Variants in ANKS1B observed in about 807,000 individuals in gnomAD.
ANKS1B encodes the protein ankyrin repeat and sterile alpha motif domain containing 1B.
Under a neutral mutation model 148.3 loss-of-function variants are expected in ANKS1B, and 36 were observed. The ratio of observed to expected loss-of-function variants is 0.24; its 90% confidence interval spans 0.19 to 0.32. The LOEUF (loss-of-function observed/expected upper bound fraction) is 0.32, where lower values mean the gene tolerates loss of function less well. Among genes scored for constraint, ANKS1B ranks in the 10% least tolerant of loss-of-function variants. The pLI, the probability that ANKS1B is intolerant of heterozygous loss-of-function variation, is 1.00. For missense variants in ANKS1B, 1,157 were observed against 1,542.6 expected, an observed-to-expected ratio of 0.75 and a Z score of 4.19; for synonymous variants, 542 against 560.8, an observed-to-expected ratio of 0.97 and a Z score of 0.47.
At chr12:99,047,089 A>T (rs1360759286) in intron 17 of ANKS1B, among the ~76,000 whole-genome samples, 1 of 152,098 alleles carries the variant, frequency 6.6e-6, no homozygotes, top group African/African-American at 2.4e-5. Flanking sequence ...TGAGAGGAGA[A>T]ATAAGGTGAG....
intron 14 of ANKS1B, among the ~76,000 whole-genome samples, chr12:99,184,257 C>A (rs2079504847): frequency 6.6e-6 from 1 of 152,040 alleles, no homozygotes; most frequent in Non-Finnish European, 1.5e-5. Context: ...AAAAATATGT[C>A]AAGAGACTAT....
At chr12:99,865,979 A>G (rs1181819445) in intron 1 of ANKS1B, among the ~76,000 whole-genome samples, 1 of 152,180 alleles carries the variant, frequency 6.6e-6, no homozygotes, top group Non-Finnish European at 1.5e-5. Flanking sequence ...AAGCTATGCC[A>G]GTAAGACTCT....
At chr12:99,627,648 A>T (rs532375527) in intron 9 of ANKS1B, among the ~76,000 whole-genome samples, 1 of 152,334 alleles carries the variant, frequency 6.6e-6, no homozygotes, top group South Asian at 2.1e-4. Flanking sequence ...ACATAGCCTG[A>T]GGGCCTGCGG....
chr12:99,135,375 G>T (rs1263634459), intron 15 of ANKS1B, among the ~76,000 whole-genome samples: 1 of 151,900 alleles, frequency 6.6e-6, no homozygotes, highest in South Asian at 2.1e-4. Flanking sequence ...ATAATAGAAG[G>T]GAATTTCCCA....
chr12:99,874,022 C>CATATATATATATATATATATATATATAT (rs150860727), intron 1 of ANKS1B, among the ~76,000 whole-genome samples: 128 of 137,816 alleles, frequency 9.3e-4, no homozygotes, highest in African/African-American at 4.0e-3. Context: ...CTCTCTCTCA[C>CATATATATATATATATATATATATATAT]ATATATATAT....
intron 1 of ANKS1B, among the ~76,000 whole-genome samples, chr12:99,938,816 C>T (rs182866707): frequency 4.8e-4 from 73 of 152,274 alleles, no homozygotes; most frequent in Admixed American, 8.5e-4. Context: ...AAGGACCTTC[C>T]ATTTCCCGAC....
At position 98,744,018 on chromosome 12, in the gene ANKS1B, A is replaced by C. The variant is rs2097828711; in HGVS notation, c.*1721T>G. ...TATTTTTGTGTGCTTTTTTTATAGGATATAAATAATGACAAAAATTACAAA... is the reference window on the plus strand; with the variant it reads ...TATTTTTGTGTGCTTTTTTTATAGGCTATAAATAATGACAAAAATTACAAA... On this transcript the variant is annotated 3_prime_UTR_variant, in exon 27 of 27. Coordinates refer to ENST00000683438, the MANE Select transcript of ANKS1B (RefSeq NM_001352186.2). 2 of 983,838 alleles carry C rather than the reference A, an allele frequency of 2.0e-6. No homozygotes were observed. The highest frequency in any genetic ancestry group is 2.4e-6 in the Non-Finnish European group (2 of 828,490). The allele number at this position is 983,838 out of a possible 1,614,324, so 60.9% of individuals were successfully genotyped here. A position where few individuals can be genotyped will look rare whatever the true frequency, so the allele number is the denominator to read the frequency against.
chr12:99,242,922 C>A (rs1014093996), intron 14 of ANKS1B, among the ~76,000 whole-genome samples: 28 of 152,146 alleles, frequency 1.8e-4, no homozygotes, highest in Non-Finnish European at 3.5e-4. Context: ...TAATGTAAGA[C>A]CTAACACCAT....
chr12:99,305,345 T>C (rs2082200974), intron 12 of ANKS1B, among the ~76,000 whole-genome samples: 1 of 152,086 alleles, frequency 6.6e-6, no homozygotes, highest in Non-Finnish European at 1.5e-5. Context: ...TGATATCAAT[T>C]TAAATAAAAT....
chr12:99,585,244 CG>C (rs1191264199), intron 9 of ANKS1B, among the ~76,000 whole-genome samples: 11 of 152,048 alleles, frequency 7.2e-5, no homozygotes, highest in Admixed American at 7.2e-4. Flanking sequence ...GAAGGGACTA[CG>C]GGCCCCAGGC....
intron 9 of ANKS1B, among the ~76,000 whole-genome samples, chr12:99,517,432 A>G (rs1035839987): frequency 6.6e-6 from 1 of 151,862 alleles, no homozygotes; most frequent in African/African-American, 2.4e-5. Flanking sequence ...CAAATATAAG[A>G]TCATGCTAGG....
At chr12:99,561,258 C>A (rs957357610) in intron 9 of ANKS1B, among the ~76,000 whole-genome samples, 9 of 152,148 alleles carry the variant, frequency 5.9e-5, no homozygotes, top group Admixed American at 2.0e-4. Context: ...TTACCCAGAG[C>A]AGAACTTCTT....
At chr12:99,843,045 T>C (rs1035014056) in intron 1 of ANKS1B, among the ~76,000 whole-genome samples, 6 of 152,142 alleles carry the variant, frequency 3.9e-5, no homozygotes, top group African/African-American at 1.2e-4. Context: ...CTGTAGTTTC[T>C]TCAGTTTGTT....
chr12:98,888,655 T>A (rs2099745596), intron 17 of ANKS1B, among the ~76,000 whole-genome samples: 1 of 152,226 alleles, frequency 6.6e-6, no homozygotes, highest in Admixed American at 6.5e-5. Context: ...CATGAGCTGT[T>A]CCCCTAGCCT....
chr12:98,863,893 C>A (rs1300266081), intron 17 of ANKS1B, among the ~76,000 whole-genome samples: 2 of 152,148 alleles, frequency 1.3e-5, no homozygotes, highest in African/African-American at 4.8e-5. Context: ...AGACAAATAC[C>A]TTTTAATAGT....
intron 12 of ANKS1B, among the ~76,000 whole-genome samples, chr12:99,296,185 T>A (rs1478603095): frequency 6.6e-6 from 1 of 152,232 alleles, no homozygotes; most frequent in Non-Finnish European, 1.5e-5. Context: ...TTTGTTTCAT[T>A]GATCTATTTA....
At chr12:99,617,106 CAGTT>C (rs765387906) in intron 9 of ANKS1B, among the ~76,000 whole-genome samples, 9 of 152,122 alleles carry the variant, frequency 5.9e-5, no homozygotes, top group African/African-American at 9.7e-5. Context: ...CACCTCATGA[CAGTT>C]AGAATGGCAA....
intron 8 of ANKS1B, among the ~76,000 whole-genome samples, chr12:99,664,161 T>A (rs1345158702): frequency 6.6e-6 from 1 of 152,034 alleles, no homozygotes; most frequent in Middle Eastern, 3.2e-3. Context: ...AAACTTTTTT[T>A]TTTTCAACAA....
intron 8 of ANKS1B, among the ~76,000 whole-genome samples, chr12:99,698,893 C>T (rs1295154502): frequency 6.6e-6 from 1 of 152,106 alleles, no homozygotes; most frequent in African/African-American, 2.4e-5. Flanking sequence ...ACACTCTGCC[C>T]ATGGTTTTCT....
Sources: gnomAD v4.1 joint callset for allele counts (sites outside exome capture counted in the v4.1 genomes callset) on GRCh38, gnomAD v4.1.1 for gene constraint, MANE v1.5 for transcripts, NCBI Gene and HGNC (gene_info 2026-07-23, HGNC 2026-07-21) for gene names.